DLC1: variants seen among roughly 807,000 people sequenced by gnomAD.
DLC1 encodes the protein DLC1 Rho GTPase activating protein.
A neutral mutation model predicts 140.3 loss-of-function variants in DLC1; 54 were observed. The observed-to-expected ratio is 0.38, with a 90% CI of 0.31 to 0.48. The LOEUF (loss-of-function observed/expected upper bound fraction) is 0.48. Ranked by LOEUF, DLC1 falls within the 20% of genes least tolerant of loss-of-function variation. DLC1 has a pLI of 0.96. For missense variants in DLC1, 2,536 were observed against 1,907.0 expected, an observed-to-expected ratio of 1.33 and a Z score of -6.14; for synonymous variants, 986 against 728.1, an observed-to-expected ratio of 1.35 and a Z score of -5.70.
intron 4 of DLC1, among the ~76,000 whole-genome samples, chr8:13,360,695 T>C (rs938219862): frequency 5.3e-5 from 8 of 152,254 alleles, no homozygotes; most frequent in Non-Finnish European, 1.2e-4. Context: ...ATAAATAATG[T>C]AATTTTCTGA....
intron 1 of DLC1, among the ~76,000 whole-genome samples, chr8:13,601,716 T>C (rs889168993): frequency 4.6e-5 from 7 of 151,452 alleles, no homozygotes; most frequent in African/African-American, 1.7e-4. Context: ...GGGGAACAAC[T>C]GGAGTGTGCC....
intron 2 of DLC1, among the ~76,000 whole-genome samples, chr8:13,476,031 G>C (rs1800419739): frequency 6.6e-6 from 1 of 152,202 alleles, no homozygotes; most frequent in South Asian, 2.1e-4. Context: ...TTAGGGCATA[G>C]GAGAAGTAAG....
At chr8:13,424,096 C>G (rs184516671) in intron 2 of DLC1, among the ~76,000 whole-genome samples, 1 of 152,074 alleles carries the variant, frequency 6.6e-6, no homozygotes, top group Non-Finnish European at 1.5e-5. Context: ...CTATTGAAAA[C>G]AAAAACACAG....
intron 1 of DLC1, among the ~76,000 whole-genome samples, chr8:13,579,464 C>T (rs61104117): frequency 0.19 from 5,123 of 26,906 alleles, 2,070 homozygotes; most frequent in Non-Finnish European, 0.23. Context: ...ATATTTAATA[C>T]ATTATATTTT....
Position 13,095,128 on chromosome 8 carries a change from G to C in DLC1, c.3285C>G (p.Ile1095Met). 1.2e-6 allele frequency: 2 copies of C among 1,614,264 alleles called. No individual in the cohort carries two copies. The highest frequency in any genetic ancestry group is 1.1e-5 in the South Asian group (1 of 91,086). ...QRTGQPLPQS[I>M]QQAMRYLRNH... ...TCCGGAGGTATCGCATGGCCTGCTG[G>C]ATGCTCTGAGGCAACGGTTGTCCTG... The change falls in exon 11 of 18, where the codon ATC becomes ATG. Residue 1095 changes from isoleucine (I) to methionine (M), a missense_variant. Coordinates refer to ENST00000276297, the MANE Select transcript of DLC1 (RefSeq NM_182643.3).
intron 1 of DLC1, among the ~76,000 whole-genome samples, chr8:13,541,999 T>C (rs1803501218): frequency 6.6e-6 from 1 of 152,230 alleles, no homozygotes; most frequent in African/African-American, 2.4e-5. Context: ...AATATTTTCT[T>C]CCAGTCTGTG....
chr8:13,380,385 G>A (rs1183830096), intron 4 of DLC1, among the ~76,000 whole-genome samples: 6 of 152,150 alleles, frequency 3.9e-5, no homozygotes, highest in Middle Eastern at 6.8e-3. Context: ...TTAACATGTC[G>A]TCTGACCATT....
At chr8:13,314,976 T>C (rs1338366881) in intron 4 of DLC1, among the ~76,000 whole-genome samples, 1 of 152,192 alleles carries the variant, frequency 6.6e-6, no homozygotes, top group African/African-American at 2.4e-5. Context: ...CAGTAAAATA[T>C]AGGTTTTATT....
chr8:13,396,784 G>A (rs1837061628), intron 3 of DLC1, among the ~76,000 whole-genome samples: 1 of 152,076 alleles, frequency 6.6e-6, no homozygotes, highest in Non-Finnish European at 1.5e-5. Context: ...TTTCTCTTCT[G>A]TTCTCTGTTC....
intron 2 of DLC1, among the ~76,000 whole-genome samples, chr8:13,442,188 T>G (rs1356841658): frequency 6.6e-6 from 1 of 152,224 alleles, no homozygotes; most frequent in Non-Finnish European, 1.5e-5. Flanking sequence ...CCTTACACCT[T>G]AGACAAAAAT....
At chr8:13,275,501 T>A (rs112122574) in intron 5 of DLC1, among the ~76,000 whole-genome samples, 398 of 152,280 alleles carry the variant, frequency 2.6e-3, no homozygotes, top group Non-Finnish European at 4.7e-3. Flanking sequence ...GAAGGCACCA[T>A]AAACGCTATT....
rs180708245 is a variant in DLC1 at position 13,443,089 on chromosome 8, C to A, written c.1024-41470G>T. Among the ~76,000 whole-genome samples, 479 of 150,462 alleles carry A rather than the reference C, an allele frequency of 3.2e-3. 11 individuals carry two copies. The South Asian group carries it at 0.059, about 19-fold the overall frequency. On this transcript the variant is annotated intron_variant, in intron 2 of 17. Transcript: ENST00000276297. ...TGAAGCTGGAAACCATCATTCTCAGCAAACTATCTCAAGGACAAAAAACCA... is the reference window on the plus strand; with the variant it reads ...TGAAGCTGGAAACCATCATTCTCAGAAAACTATCTCAAGGACAAAAAACCA...
At chr8:13,383,390 CG>C (rs1836362480) in intron 4 of DLC1, among the ~76,000 whole-genome samples, 1 of 152,054 alleles carries the variant, frequency 6.6e-6, no homozygotes, top group South Asian at 2.1e-4. Flanking sequence ...GGAACTATAC[CG>C]GAGGGGCTGT....
chr8:13,533,801 T>A (rs982939213), intron 1 of DLC1, among the ~76,000 whole-genome samples: 1 of 152,210 alleles, frequency 6.6e-6, no homozygotes, highest in Non-Finnish European at 1.5e-5. Flanking sequence ...GTTCTCACTG[T>A]AGTGAGCAAG....
At chr8:13,322,700 C>T (rs976485031) in intron 4 of DLC1, among the ~76,000 whole-genome samples, 1 of 152,096 alleles carries the variant, frequency 6.6e-6, no homozygotes, top group African/African-American at 2.4e-5. Context: ...CAGTAAAAAG[C>T]TGAGTCAAAC....
chr8:13,185,524 A>G (rs1035467176), intron 5 of DLC1, among the ~76,000 whole-genome samples: 1 of 151,856 alleles, frequency 6.6e-6, no homozygotes, highest in Non-Finnish European at 1.5e-5. Flanking sequence ...AGCCAGGATG[A>G]TCTCGACCTC....
At chr8:13,492,982 C>T (rs1006388981) in intron 2 of DLC1, among the ~76,000 whole-genome samples, 2 of 152,128 alleles carry the variant, frequency 1.3e-5, no homozygotes, top group African/African-American at 4.8e-5. Context: ...AAGCTATTGG[C>T]TTTACCTGGG....
intron 5 of DLC1, among the ~76,000 whole-genome samples, chr8:13,266,266 A>G (rs1190930416): frequency 6.6e-6 from 1 of 152,218 alleles, no homozygotes; most frequent in Non-Finnish European, 1.5e-5. Flanking sequence ...TTCCATCTAC[A>G]AGGGAAGCAT....
intron 5 of DLC1, among the ~76,000 whole-genome samples, chr8:13,193,737 T>C (rs1412528342): frequency 6.6e-6 from 1 of 152,190 alleles, no homozygotes; most frequent in Non-Finnish European, 1.5e-5. Context: ...GAGTGCTTAA[T>C]TTTTGGTATC....
Sources: gnomAD v4.1 joint callset for allele counts (sites outside exome capture counted in the v4.1 genomes callset) on GRCh38, gnomAD v4.1.1 for gene constraint, MANE v1.5 for transcripts, NCBI Gene and HGNC (gene_info 2026-07-23, HGNC 2026-07-21) for gene names.